Variants in PCDH9 observed in about 807,000 individuals in gnomAD.
PCDH9 encodes the protein protocadherin-9.
In PCDH9, 24 loss-of-function variants were observed where a neutral mutation model predicts 70.6. That is an observed-to-expected ratio of 0.34 (90% CI 0.25 to 0.48). The LOEUF is 0.48. Ranked by LOEUF, PCDH9 falls within the 20% of genes least tolerant of loss-of-function variation. The pLI is 0.99. For missense variants in PCDH9, 1,281 were observed against 1,503.6 expected, an observed-to-expected ratio of 0.85 and a Z score of 2.45; for synonymous variants, 562 against 558.5, an observed-to-expected ratio of 1.01 and a Z score of -0.09.
At chr13:66,912,935 T>A (rs1036281617) in intron 2 of PCDH9, among the ~76,000 whole-genome samples, 1 of 152,216 alleles carries the variant, frequency 6.6e-6, no homozygotes, top group Non-Finnish European at 1.5e-5. Flanking sequence ...TTTCTTTGTA[T>A]TATGAAAACT....
chr13:66,476,321 C>T (rs964480587), intron 4 of PCDH9, among the ~76,000 whole-genome samples: 4 of 151,676 alleles, frequency 2.6e-5, no homozygotes, highest in Admixed American at 2.6e-4. Context: ...AAAAAAATCA[C>T]TAAAATATTA....
chr13:66,738,215 C>T lies in PCDH9; in HGVS notation c.3139-106804G>A, dbSNP rs796789772. Among the ~76,000 whole-genome samples, 1,434 of 151,594 alleles carry T rather than the reference C, an allele frequency of 9.5e-3. 15 individuals are homozygous for T. Among genetic ancestry groups the T allele is most frequent in the Middle Eastern group, 0.062 (18 of 292 alleles). ...CCCCGAGCAGCCTAACTGGGAGGCA[C>T]CCCCCAGCAGGGGCACACTGACACC... On this transcript the variant is annotated intron_variant, in intron 3 of 4. Transcript: ENST00000377865.
At chr13:66,896,258 C>T (rs2082177047) in intron 3 of PCDH9, among the ~76,000 whole-genome samples, 1 of 152,144 alleles carries the variant, frequency 6.6e-6, no homozygotes, top group South Asian at 2.1e-4. Context: ...GGGAACTCAA[C>T]TAAAAATGTC....
chr13:66,818,023 A>G (rs1419721772), intron 3 of PCDH9, among the ~76,000 whole-genome samples: 1 of 152,216 alleles, frequency 6.6e-6, no homozygotes, highest in Admixed American at 6.5e-5. Context: ...AAGTACATAC[A>G]AATAAATCAC....
intron 4 of PCDH9, among the ~76,000 whole-genome samples, chr13:66,471,986 G>A (rs1275393496): frequency 2.0e-5 from 3 of 151,956 alleles, no homozygotes; most frequent in Non-Finnish European, 4.4e-5. Context: ...CGAGGCGGGC[G>A]GATCGCTTAA....
chr13:66,568,994 C>T (rs1302323814), intron 4 of PCDH9, among the ~76,000 whole-genome samples: 308 of 58,152 alleles, frequency 5.3e-3, no homozygotes, highest in African/African-American at 6.6e-3. Context: ...GGAAACATGT[C>T]TTTTTTTTTT....
chr13:66,432,124 C>T (rs976016206), intron 4 of PCDH9, among the ~76,000 whole-genome samples: 2 of 151,910 alleles, frequency 1.3e-5, no homozygotes, highest in African/African-American at 4.8e-5. Context: ...GTACTTCTTG[C>T]TTATTTGTTA....
rs1416205192 is a variant in PCDH9, at chr13:66,811,763, C to CTT, written c.3138+91740_3138+91741insAA. On this transcript the variant is annotated intron_variant, in intron 3 of 4. Coordinates refer to ENST00000377865, the MANE Select transcript of PCDH9 (RefSeq NM_203487.3). ...TTCCTTCCTTCCTTTCTTTTTCTTT[C>CTT]TCTCTCTCTCTCTCTCTTTTCCTTC... Among the ~76,000 whole-genome samples the CTT allele has an allele frequency of 5.7e-3, 840 of 146,352 alleles. 25 individuals carry two copies. Among genetic ancestry groups the CTT allele is most frequent in the African/African-American group, 0.016 (599 of 38,352 alleles).
intron 3 of PCDH9, among the ~76,000 whole-genome samples, chr13:66,720,442 C>T (rs565967383): frequency 1.4e-4 from 21 of 150,864 alleles, no homozygotes; most frequent in South Asian, 6.3e-4. Context: ...GGATTACAGG[C>T]GTGAACCAAC....
At chr13:66,331,048 G>C (rs1955933443) in intron 4 of PCDH9, among the ~76,000 whole-genome samples, 1 of 152,162 alleles carries the variant, frequency 6.6e-6, no homozygotes, top group Non-Finnish European at 1.5e-5. Context: ...TTAGGAGTCA[G>C]TGGAATGAGT....
At chr13:66,452,076 C>T (rs771018432) in intron 4 of PCDH9, among the ~76,000 whole-genome samples, 7 of 152,090 alleles carry the variant, frequency 4.6e-5, no homozygotes, top group Non-Finnish European at 1.0e-4. Flanking sequence ...AGTATGTGAA[C>T]ATATCACTGC....
intron 4 of PCDH9, among the ~76,000 whole-genome samples, chr13:66,544,616 G>C (rs974092362): frequency 3.3e-5 from 5 of 152,206 alleles, no homozygotes; most frequent in Admixed American, 2.6e-4. Context: ...GTAGACAACT[G>C]TATCTGCAGG....
At chr13:66,522,971 T>C (rs1218522099) in intron 4 of PCDH9, among the ~76,000 whole-genome samples, 2 of 152,144 alleles carry the variant, frequency 1.3e-5, no homozygotes, top group African/African-American at 4.8e-5. Context: ...TAATATAATA[T>C]CTTAACATTA....
At chr13:66,614,835 A>G (rs748893854) in intron 4 of PCDH9, among the ~76,000 whole-genome samples, 3 of 152,226 alleles carry the variant, frequency 2.0e-5, no homozygotes, top group Non-Finnish European at 4.4e-5. Context: ...AGGGTCATTT[A>G]TAACCTGACG....
intron 4 of PCDH9, among the ~76,000 whole-genome samples, chr13:66,594,805 T>A (rs1352907682): frequency 6.6e-6 from 1 of 151,666 alleles, no homozygotes; most frequent in Non-Finnish European, 1.5e-5. Context: ...TCCAGCTTCA[T>A]CCATGTCCCT....
chr13:67,140,521 G>C (rs570038367), intron 2 of PCDH9, among the ~76,000 whole-genome samples: 21 of 152,268 alleles, frequency 1.4e-4, no homozygotes, highest in Admixed American at 7.8e-4. Context: ...GAGGTATGGA[G>C]CAGGTCAGGT....
At chr13:67,158,795 A>G (rs1444409689) in intron 2 of PCDH9, among the ~76,000 whole-genome samples, 1 of 152,248 alleles carries the variant, frequency 6.6e-6, no homozygotes, top group Non-Finnish European at 1.5e-5. Context: ...TATGAGATAT[A>G]GTCGGTGGGA....
chr13:67,210,979 A>T (rs2089456712), intron 2 of PCDH9: 1 of 152,012 alleles, frequency 6.6e-6, no homozygotes, highest in African/African-American at 2.4e-5. Context: ...AGACAGAGCA[A>T]CTATCATGTG....
At chr13:66,627,856 G>A (rs2077518622) in intron 4 of PCDH9, among the ~76,000 whole-genome samples, 1 of 152,108 alleles carries the variant, frequency 6.6e-6, no homozygotes, top group Non-Finnish European at 1.5e-5. Context: ...TTATTTTCCT[G>A]GTTTAGGACC....
Sources: gnomAD v4.1 joint callset for allele counts (sites outside exome capture counted in the v4.1 genomes callset) on GRCh38, gnomAD v4.1.1 for gene constraint, MANE v1.5 for transcripts, NCBI Gene and HGNC (gene_info 2026-07-23, HGNC 2026-07-21) for gene names.